The following PPARD variants were observed in gnomAD, a reference collection of about 807,000 sequenced individuals.
The protein encoded by PPARD is peroxisome proliferator-activated receptor delta.
In PPARD, 6 loss-of-function variants were observed where a neutral mutation model predicts 39.5. That is an observed-to-expected ratio of 0.15 (90% CI 0.08 to 0.30). The LOEUF is 0.30. Among genes scored for constraint, PPARD ranks in the 10% least tolerant of loss-of-function variants. The pLI, the probability that PPARD is intolerant of heterozygous loss-of-function variation, is 1.00. For synonymous variants in PPARD, 210 were observed against 231.3 expected, an observed-to-expected ratio of 0.91 and a Z score of 0.83; for missense variants, 397 against 596.8, an observed-to-expected ratio of 0.67 and a Z score of 3.49.
chr6:35,400,443 C>A (rs1204778644), intron 2 of PPARD, among the ~76,000 whole-genome samples: 1 of 152,192 alleles, frequency 6.6e-6, no homozygotes, highest in African/African-American at 2.4e-5. Context: ...TTAAGAGTCT[C>A]ATGCTCTACC....
At chr6:35,397,389 A>G (rs531839128) in intron 2 of PPARD, 36 of 283,950 alleles carry the variant, frequency 1.3e-4, no homozygotes, top group African/African-American at 8.2e-4. Context: ...CACTTGGCAG[A>G]TTAGCAAAAG....
chr6:35,362,369 A>C (rs1582301721), intron 2 of PPARD, among the ~76,000 whole-genome samples: 2 of 149,726 alleles, frequency 1.3e-5, no homozygotes, highest in African/African-American at 2.5e-5. Flanking sequence ...ATGAAGTCTT[A>C]CTCTGCCTCT....
chr6:35,396,654 T>A (rs1056930626), intron 2 of PPARD, among the ~76,000 whole-genome samples: 1 of 149,712 alleles, frequency 6.7e-6, no homozygotes, highest in Non-Finnish European at 1.5e-5. Flanking sequence ...CGTGGTGAAA[T>A]CCCGTCTTTA....
At chr6:35,364,720 G>T (rs1360451230) in intron 2 of PPARD, among the ~76,000 whole-genome samples, 1 of 142,914 alleles carries the variant, frequency 7.0e-6, no homozygotes, top group Non-Finnish European at 1.5e-5. Flanking sequence ...TTTGTTTTTT[G>T]TTTGTTTTTT....
intron 2 of PPARD, among the ~76,000 whole-genome samples, chr6:35,370,860 G>A (rs896704584): frequency 2.6e-5 from 4 of 152,168 alleles, no homozygotes; most frequent in African/African-American, 4.8e-5. Context: ...GTGTAGCAGG[G>A]AGCTCACACG....
At chr6:35,349,586 C>G (rs749487960) in intron 2 of PPARD, among the ~76,000 whole-genome samples, 29 of 152,066 alleles carry the variant, frequency 1.9e-4, no homozygotes, top group African/African-American at 7.0e-4. Flanking sequence ...GTTGGATAAG[C>G]TTGGCCTCCC....
intron 2 of PPARD, among the ~76,000 whole-genome samples, chr6:35,375,632 T>C (rs1762771068): frequency 6.6e-6 from 1 of 152,138 alleles, no homozygotes; most frequent in Non-Finnish European, 1.5e-5. Flanking sequence ...TCACTGTAGC[T>C]TTGACCTCCT....
At chr6:35,419,122 A>G (rs1413732764) in intron 3 of PPARD, among the ~76,000 whole-genome samples, 1 of 152,160 alleles carries the variant, frequency 6.6e-6, no homozygotes, top group Non-Finnish European at 1.5e-5. Context: ...CTTCTACTCA[A>G]AATGGCTGAT....
At chr6:35,372,266 C>T (rs908395790) in intron 2 of PPARD, among the ~76,000 whole-genome samples, 14 of 152,310 alleles carry the variant, frequency 9.2e-5, no homozygotes, top group African/African-American at 3.4e-4. Context: ...CAACCTCCAC[C>T]TCCCAGGTTC....
chr6:35,393,781 C>T (rs1764153028), intron 2 of PPARD, among the ~76,000 whole-genome samples: 1 of 152,158 alleles, frequency 6.6e-6, no homozygotes, highest in Non-Finnish European at 1.5e-5. Context: ...CCTTTCCTTT[C>T]TTGGGGACTT....
intron 2 of PPARD, among the ~76,000 whole-genome samples, chr6:35,400,164 C>T (rs977960143): frequency 5.9e-5 from 9 of 152,198 alleles, no homozygotes; most frequent in Admixed American, 2.0e-4. Context: ...CTATTCCTGC[C>T]TCCCCGCTGC....
chr6:35,424,980 GA>G lies in PPARD; in HGVS notation c.1078+206del. The G allele has an allele frequency of 7.0e-7, 1 of 1,420,732 alleles. No individual in the cohort carries two copies. Among genetic ancestry groups the G allele is most frequent in the African/African-American group, 1.4e-5 (1 of 69,548 alleles). The allele number at this position is 1,420,732 out of a possible 1,614,324, so 88.0% of individuals were successfully genotyped here. A position where few individuals can be genotyped will look rare whatever the true frequency, so the allele number is the denominator to read the frequency against. On this transcript the variant is annotated intron_variant, in intron 7 of 7. Transcript: ENST00000360694. The surrounding 1 kb of genome is among the most constrained non-coding windows in gnomAD (Gnocchi z 7.1). ...TGTACGTAGATAGAGGTGGAGACAG[GA>G]AAAAGACTAAGCCAGACGTGGTGGC...
chr6:35,348,244 G>A (rs569919668), intron 2 of PPARD: 28 of 676,740 alleles, frequency 4.1e-5, no homozygotes, highest in Admixed American at 1.3e-4. Flanking sequence ...TATGTGCCAG[G>A]CACTTGGGAA....
chr6:35,351,575 T>C (rs1166464228), intron 2 of PPARD, among the ~76,000 whole-genome samples: 8 of 151,278 alleles, frequency 5.3e-5, no homozygotes, highest in African/African-American at 1.7e-4. Context: ...TTGTCTGAGA[T>C]AGCATCTCCC....
chr6:35,350,429 G>A (rs983723072), intron 2 of PPARD, among the ~76,000 whole-genome samples: 2 of 152,046 alleles, frequency 1.3e-5, no homozygotes, highest in African/African-American at 2.4e-5. Flanking sequence ...TTTTGTGGAT[G>A]GCAAGAGGTA....
chr6:35,393,440 C>T (rs1764133333), intron 2 of PPARD, among the ~76,000 whole-genome samples: 1 of 152,158 alleles, frequency 6.6e-6, no homozygotes, highest in South Asian at 2.1e-4. Flanking sequence ...GCGTGTGAGA[C>T]CTTGCACTCT....
chr6:35,344,985 A>C (rs1792086382), intron 1 of PPARD, among the ~76,000 whole-genome samples: 1 of 152,156 alleles, frequency 6.6e-6, no homozygotes, highest in Non-Finnish European at 1.5e-5. Flanking sequence ...GTAGAGGTCA[A>C]GTGTTGGACA....
At chr6:35,395,515 A>G (rs1381048189) in intron 2 of PPARD, among the ~76,000 whole-genome samples, 2 of 152,200 alleles carry the variant, frequency 1.3e-5, no homozygotes, top group Non-Finnish European at 2.9e-5. Flanking sequence ...CCACACATCA[A>G]GAGGACGTGA....
At chr6:35,391,921 C>G (rs963835285) in intron 2 of PPARD, among the ~76,000 whole-genome samples, 2 of 151,862 alleles carry the variant, frequency 1.3e-5, no homozygotes, top group Non-Finnish European at 2.9e-5. Context: ...CTGCCCTTGT[C>G]CTTATGCCAA....
Sources: allele counts gnomAD v4.1 joint callset (sites outside exome capture counted in the v4.1 genomes callset), GRCh38; gene constraint gnomAD v4.1.1; non-coding constraint Gnocchi (gnomAD v3.1); transcripts MANE v1.5; gene names NCBI Gene and HGNC (gene_info 2026-07-23, HGNC 2026-07-21).